The following PDSS2 variants were observed in gnomAD, a reference collection of about 807,000 sequenced individuals.
The protein encoded by PDSS2 is decaprenyl diphosphate synthase subunit 2.
In PDSS2, 31 loss-of-function variants were observed where a neutral mutation model predicts 44.5. The ratio of observed to expected loss-of-function variants is 0.70; its 90% CI spans 0.52 to 0.94. The LOEUF (loss-of-function observed/expected upper bound fraction) is 0.94. PDSS2 is among the 40% of genes least tolerant of loss of function. The pLI is 0.00. For missense variants in PDSS2, 452 were observed against 482.2 expected (o/e 0.94, Z 0.59); for synonymous variants, 157 against 180.3 (o/e 0.87, Z 1.03).
intron 4 of PDSS2, among the ~76,000 whole-genome samples, chr6:107,219,602 T>C (rs1055928655): frequency 6.6e-6 from 1 of 152,226 alleles, no homozygotes; most frequent in Non-Finnish European, 1.5e-5. Flanking sequence ...GTGTGAACTT[T>C]AAATCTAATC....
At chr6:107,333,597 C>T (rs909890664) in intron 2 of PDSS2, among the ~76,000 whole-genome samples, 1 of 152,072 alleles carries the variant, frequency 6.6e-6, no homozygotes, top group African/African-American at 2.4e-5. Flanking sequence ...GGCAGTGACA[C>T]GATTAGGGCT....
intron 2 of PDSS2, among the ~76,000 whole-genome samples, chr6:107,330,804 G>C (rs1478430695): frequency 6.6e-6 from 1 of 152,166 alleles, no homozygotes; most frequent in Non-Finnish European, 1.5e-5. Flanking sequence ...GTTGGCAAAA[G>C]GCTATGGCGA....
chr6:107,289,489 C>G (rs1776275315), intron 2 of PDSS2, among the ~76,000 whole-genome samples: 1 of 151,836 alleles, frequency 6.6e-6, no homozygotes, highest in African/African-American at 2.4e-5. Context: ...TGCTCGAGCC[C>G]AGGAATCTGA....
intron 2 of PDSS2, among the ~76,000 whole-genome samples, chr6:107,276,790 C>T (rs1775797716): frequency 6.6e-6 from 1 of 152,170 alleles, no homozygotes. Context: ...AATGTTTTTG[C>T]ATTGGGGCTT....
intron 1 of PDSS2, among the ~76,000 whole-genome samples, chr6:107,440,523 G>A (rs1244983558): frequency 6.6e-6 from 1 of 152,188 alleles, no homozygotes; most frequent in Non-Finnish European, 1.5e-5. Context: ...TTTTCCAACT[G>A]GGTACTGGAC....
At chr6:107,283,154 A>C (rs761482518) in intron 2 of PDSS2, among the ~76,000 whole-genome samples, 1 of 151,512 alleles carries the variant, frequency 6.6e-6, no homozygotes, top group African/African-American at 2.4e-5. Flanking sequence ...CCTCATCTCA[A>C]TGAAAAATGA....
intron 1 of PDSS2, among the ~76,000 whole-genome samples, chr6:107,429,046 A>G (rs1179761122): frequency 6.6e-6 from 1 of 152,200 alleles, no homozygotes; most frequent in East Asian, 1.9e-4. Context: ...ATGCTCTGGG[A>G]GAATGCAAAC....
At chr6:107,332,723 G>T (rs908747983) in intron 2 of PDSS2, among the ~76,000 whole-genome samples, 8 of 151,974 alleles carry the variant, frequency 5.3e-5, no homozygotes, top group African/African-American at 1.9e-4. Flanking sequence ...CAAAATTTTT[G>T]AATCTGTTTT....
intron 1 of PDSS2, among the ~76,000 whole-genome samples, chr6:107,365,253 G>A (rs1778928427): frequency 6.6e-6 from 1 of 151,864 alleles, no homozygotes; most frequent in Admixed American, 6.6e-5. Flanking sequence ...AGATATATTG[G>A]AGCAAAGTTT....
At chr6:107,298,057 T>A (rs1183047998) in intron 2 of PDSS2, among the ~76,000 whole-genome samples, 1 of 152,144 alleles carries the variant, frequency 6.6e-6, no homozygotes, top group East Asian at 1.9e-4. Flanking sequence ...AACAAAATTT[T>A]AAAAAACAAA....
At chr6:107,235,001 A>T (rs1040480707) in intron 4 of PDSS2, among the ~76,000 whole-genome samples, 10 of 152,214 alleles carry the variant, frequency 6.6e-5, no homozygotes, top group Non-Finnish European at 1.5e-4. Context: ...ATATGAAACA[A>T]AAGTTATAAG....
chr6:107,269,053 C>T (rs1775504445), intron 3 of PDSS2, among the ~76,000 whole-genome samples: 1 of 151,864 alleles, frequency 6.6e-6, no homozygotes, highest in South Asian at 2.1e-4. Context: ...GATTCTCCTG[C>T]CTCAGCCTCC....
chr6:107,334,386 A>T, intron 1 of PDSS2, 54 bp from the exon 2 acceptor site: 4 of 1,548,866 alleles, frequency 2.6e-6, no homozygotes, highest in Non-Finnish European at 3.6e-6. Context: ...AGATCATCAG[A>T]TAACTTAGAA....
intron 7 of PDSS2, among the ~76,000 whole-genome samples, chr6:107,170,418 C>A (rs1382454059): frequency 6.6e-6 from 1 of 152,196 alleles, no homozygotes; most frequent in Non-Finnish European, 1.5e-5. Flanking sequence ...TGACCCCTTG[C>A]ACTTCCTGGG....
chr6:107,248,463 C>A (rs1774701258), intron 3 of PDSS2, among the ~76,000 whole-genome samples: 1 of 138,642 alleles, frequency 7.2e-6, no homozygotes, highest in African/African-American at 2.7e-5. Context: ...AAAGAAGGTT[C>A]AAAGAGCCTC....
chr6:107,318,118 T>G (rs538711931), intron 2 of PDSS2, among the ~76,000 whole-genome samples: 75 of 152,236 alleles, frequency 4.9e-4, no homozygotes, highest in Non-Finnish European at 9.0e-4. Flanking sequence ...ATATATAAAG[T>G]GCCTGGTAAA....
intron 7 of PDSS2, among the ~76,000 whole-genome samples, chr6:107,184,709 C>T (rs1470990995): frequency 1.3e-5 from 2 of 152,134 alleles, no homozygotes; most frequent in Non-Finnish European, 2.9e-5. Context: ...AGAGCCAGAA[C>T]GTGACACTCT....
intron 1 of PDSS2, among the ~76,000 whole-genome samples, 164 bp downstream of exon 1, chr6:107,458,826 C>T (rs1053975905): frequency 6.6e-6 from 1 of 151,962 alleles, no homozygotes; most frequent in African/African-American, 2.4e-5. Context: ...GTTAAGTGGA[C>T]TAGAGAAGAG....
chr6:107,456,754 G>T (rs1011925339), intron 1 of PDSS2, among the ~76,000 whole-genome samples: 3 of 152,074 alleles, frequency 2.0e-5, no homozygotes, highest in African/African-American at 7.2e-5. Context: ...TGTTGCCCAG[G>T]CTGGTCTCGA....
Sources: allele counts gnomAD v4.1 joint callset (sites outside exome capture counted in the v4.1 genomes callset), GRCh38; gene constraint gnomAD v4.1.1; transcripts MANE v1.5; gene names NCBI Gene and HGNC (gene_info 2026-07-23, HGNC 2026-07-21).